The following CHLSN variants were observed in gnomAD, a reference collection of about 807,000 sequenced individuals.
CHLSN encodes protein cholesin.
At chr7:1,113,516 C>T in the CHLSN span, among the ~76,000 whole-genome samples, 3 of 152,172 alleles carry the variant, frequency 2.0e-5, no homozygotes, top group South Asian at 4.1e-4. Flanking sequence ...GTAAGCATCA[C>T]GAGGTGCTGA....
chr7:984,188 A>G, the CHLSN span, among the ~76,000 whole-genome samples: 3 of 152,168 alleles, frequency 2.0e-5, no homozygotes, highest in Non-Finnish European at 4.4e-5. Flanking sequence ...ATCCCACAAC[A>G]GCCATGCCAA....
the CHLSN span, among the ~76,000 whole-genome samples, chr7:1,070,752 C>G: frequency 2.0e-5 from 3 of 150,198 alleles, no homozygotes; most frequent in African/African-American, 7.4e-5. Flanking sequence ...GCACACAACG[C>G]ACGCAGACAT....
At chr7:1,017,864 C>T in the CHLSN span, among the ~76,000 whole-genome samples, 58,782 of 152,104 alleles carry the variant, frequency 0.39, 11,705 homozygotes, top group Admixed American at 0.48. Context: ...AAAACCACAC[C>T]CGCCTTGGTG....
the CHLSN span, among the ~76,000 whole-genome samples, chr7:986,115 C>T: frequency 5.3e-5 from 8 of 152,184 alleles, no homozygotes; most frequent in Non-Finnish European, 1.2e-4. Flanking sequence ...CAGCTCCTTA[C>T]CACAGAGACG....
chr7:1,093,051 A>G, the CHLSN span: 2 of 711,718 alleles, frequency 2.8e-6, no homozygotes, highest in South Asian at 3.0e-5. Flanking sequence ...GTCACCTTGC[A>G]CTCCTCACAC....
chr7:1,024,692 G>C, the CHLSN span: 1 of 152,296 alleles, frequency 6.6e-6, no homozygotes, highest in African/African-American at 2.4e-5. Flanking sequence ...CCTCCTTGCC[G>C]AGCCAGACAG....
the CHLSN span, chr7:1,059,231 C>T: frequency 6.0e-6 from 1 of 167,040 alleles, no homozygotes; most frequent in African/African-American, 2.4e-5. Flanking sequence ...GTGCACAAAA[C>T]TAAAGAATAT....
At chr7:1,109,745 G>A in the CHLSN span, among the ~76,000 whole-genome samples, 28,959 of 151,054 alleles carry the variant, frequency 0.19, 3,209 homozygotes, top group Middle Eastern at 0.33. Flanking sequence ...CTCCGTGGGC[G>A]GCGGAGCCCT....
At chr7:1,136,214 A>G in the CHLSN span, among the ~76,000 whole-genome samples, 33 of 116,798 alleles carry the variant, frequency 2.8e-4, 1 homozygote, top group Non-Finnish European at 4.0e-4. Flanking sequence ...ATATAAATAT[A>G]TATAAACATA....
At chr7:1,072,676 C>CTTTTTTTTTT in the CHLSN span, among the ~76,000 whole-genome samples, 2 of 110,316 alleles carry the variant, frequency 1.8e-5, no homozygotes, top group Non-Finnish European at 3.6e-5. Context: ...CTTTTCTTTC[C>CTTTTTTTTTT]TTTTTTTTTT....
the CHLSN span, chr7:1,023,023 C>T: frequency 8.7e-6 from 4 of 458,506 alleles, no homozygotes; most frequent in East Asian, 6.9e-5. This position sits in a 1 kb window ranked among gnomAD's most constrained non-coding sequence, Gnocchi z 5.0. Context: ...GAGCGGCCGC[C>T]CCGCCCCTGC....
the CHLSN span, among the ~76,000 whole-genome samples, chr7:1,072,294 G>A: frequency 2.0e-5 from 3 of 152,178 alleles, no homozygotes; most frequent in Non-Finnish European, 4.4e-5. Context: ...GTGCTGAGGA[G>A]GGCACGGAAA....
chr7:987,061 G>A, the CHLSN span: 5 of 1,454,172 alleles, frequency 3.4e-6, no homozygotes, highest in Non-Finnish European at 3.6e-6. Context: ...TGGGGTGGGG[G>A]ACAGACCCCA....
the CHLSN span, chr7:985,186 C>T: frequency 6.4e-7 from 1 of 1,571,850 alleles, no homozygotes; most frequent in African/African-American, 1.3e-5. Context: ...CCCGCTGGCC[C>T]TACTGGGCTG....
At chr7:1,114,444 G>T in the CHLSN span, among the ~76,000 whole-genome samples, 1 of 152,358 alleles carries the variant, frequency 6.6e-6, no homozygotes, top group East Asian at 1.9e-4. Context: ...GCCTTGGTTG[G>T]ACTCGATGTT....
the CHLSN span, among the ~76,000 whole-genome samples, chr7:1,126,407 G>A: frequency 1.4e-5 from 2 of 148,076 alleles, no homozygotes; most frequent in Admixed American, 6.8e-5. Flanking sequence ...GGCCAGGTGC[G>A]GTGGCTCACA....
the CHLSN span, among the ~76,000 whole-genome samples, chr7:1,016,241 ACACAGCAGCG>A: frequency 2.5e-4 from 17 of 68,574 alleles, no homozygotes; most frequent in South Asian, 4.9e-4. Context: ...ACACAGCAGC[ACACAGCAGCG>A]CACGCCAGCA....
the CHLSN span, among the ~76,000 whole-genome samples, chr7:1,011,095 G>A: frequency 7.8e-6 from 1 of 127,542 alleles, no homozygotes; most frequent in South Asian, 2.4e-4. Context: ...CACATTCACA[G>A]ACTTCACCCC....
the CHLSN span, among the ~76,000 whole-genome samples, chr7:1,136,014 A>G: frequency 1.6e-5 from 2 of 121,296 alleles, no homozygotes; most frequent in African/African-American, 6.8e-5. Context: ...TATAAAATAT[A>G]TATGTATATA....
Sources: allele counts gnomAD v4.1 joint callset (sites outside exome capture counted in the v4.1 genomes callset), GRCh38; gene constraint gnomAD v4.1.1; non-coding constraint Gnocchi (gnomAD v3.1); transcripts MANE v1.5; gene names NCBI Gene and HGNC (gene_info 2026-07-23, HGNC 2026-07-21).